The following JAZF1 variants were observed in gnomAD, a reference collection of about 807,000 sequenced individuals.
JAZF1 encodes juxtaposed with another zinc finger protein 1.
In JAZF1, 8 loss-of-function variants were observed where a neutral mutation model predicts 26.4. The ratio of observed to expected loss-of-function variants is 0.30; its 90% CI spans 0.18 to 0.55. The LOEUF (loss-of-function observed/expected upper bound fraction) is 0.55. JAZF1 is among the 20% of genes least tolerant of loss of function. The pLI is 0.94. For missense variants in JAZF1, 199 were observed against 322.0 expected, an observed-to-expected ratio of 0.62 and a Z score of 2.92; for synonymous variants, 126 against 122.3, an observed-to-expected ratio of 1.03 and a Z score of -0.20.
intron 3 of JAZF1, among the ~76,000 whole-genome samples, chr7:27,865,454 T>C (rs1166572082): frequency 6.6e-6 from 1 of 152,158 alleles, no homozygotes; most frequent in African/African-American, 2.4e-5. Context: ...AAAATGTAGT[T>C]CTTACTACTT....
chr7:27,934,972 C>A (rs1391936581), intron 2 of JAZF1, among the ~76,000 whole-genome samples: 1 of 151,984 alleles, frequency 6.6e-6, no homozygotes, highest in Admixed American at 6.5e-5. Flanking sequence ...AACTTGTATC[C>A]AGAATATAAA....
chr7:28,157,332 A>T (rs576453510), intron 1 of JAZF1, among the ~76,000 whole-genome samples: 11 of 152,248 alleles, frequency 7.2e-5, no homozygotes, highest in African/African-American at 2.7e-4. Flanking sequence ...AGAGCCAGAC[A>T]GTGAATATTT....
intron 1 of JAZF1, among the ~76,000 whole-genome samples, chr7:28,005,438 G>T (rs1288034709): frequency 6.6e-6 from 1 of 151,838 alleles, no homozygotes; most frequent in Non-Finnish European, 1.5e-5. Flanking sequence ...AAAGTCACAG[G>T]AGAAAGAGCT....
intron 1 of JAZF1, among the ~76,000 whole-genome samples, chr7:28,002,430 T>C (rs2128368046): frequency 6.6e-6 from 1 of 152,322 alleles, no homozygotes; most frequent in East Asian, 1.9e-4. Flanking sequence ...TTGGCACATT[T>C]GTTGTTGCAT....
intron 1 of JAZF1, among the ~76,000 whole-genome samples, chr7:28,171,590 CAG>C (rs1389582371): frequency 6.6e-6 from 1 of 152,134 alleles, no homozygotes; most frequent in East Asian, 1.9e-4. Context: ...GGCTACAGGA[CAG>C]AGAGGGGAAG....
chr7:28,125,478 G>C (rs989727428), intron 1 of JAZF1, among the ~76,000 whole-genome samples: 1 of 152,204 alleles, frequency 6.6e-6, no homozygotes, highest in Admixed American at 6.5e-5. Flanking sequence ...TGGTTTCCTA[G>C]CAACAGCGGG....
intron 2 of JAZF1, among the ~76,000 whole-genome samples, chr7:27,961,598 T>C (rs73683909): frequency 0.025 from 3,836 of 152,232 alleles, 163 homozygotes; most frequent in African/African-American, 0.088. Context: ...AAAGAAAGCT[T>C]ACTGCAAGAG....
intron 1 of JAZF1, among the ~76,000 whole-genome samples, chr7:28,039,617 C>A (rs1393845750): frequency 1.3e-5 from 2 of 152,046 alleles, no homozygotes; most frequent in Admixed American, 6.6e-5. Flanking sequence ...ATCTTGGGGA[C>A]AAGTAAAGAT....
chr7:28,000,697 C>T (rs977847507), intron 1 of JAZF1, among the ~76,000 whole-genome samples: 1 of 148,942 alleles, frequency 6.7e-6, no homozygotes, highest in Non-Finnish European at 1.5e-5. Flanking sequence ...CAGCTCACTG[C>T]AACCTCTGCC....
At chr7:28,024,563 T>C (rs1447269980) in intron 1 of JAZF1, among the ~76,000 whole-genome samples, 1 of 152,016 alleles carries the variant, frequency 6.6e-6, no homozygotes, top group Non-Finnish European at 1.5e-5. Context: ...AGGAAACAGG[T>C]ATGAGAACAC....
chr7:28,124,503 C>A (rs1372096321), intron 1 of JAZF1, among the ~76,000 whole-genome samples: 2 of 152,202 alleles, frequency 1.3e-5, no homozygotes, highest in Middle Eastern at 3.2e-3. Flanking sequence ...CCAGTGCCGT[C>A]CTTTCATCTT....
chr7:27,990,430 TA>T (rs61518395), intron 2 of JAZF1, among the ~76,000 whole-genome samples: 22,079 of 113,346 alleles, frequency 0.19, 2,106 homozygotes, highest in East Asian at 0.51. Context: ...ACTTAAAGTA[TA>T]AAAAAAAAAA....
intron 3 of JAZF1, among the ~76,000 whole-genome samples, chr7:27,859,801 T>C (rs1331853296): frequency 6.6e-6 from 1 of 152,188 alleles, no homozygotes; most frequent in Non-Finnish European, 1.5e-5. Flanking sequence ...CAAACCACCA[T>C]GGCATGTGTA....
At chr7:27,921,915 T>C (rs760941640) in intron 2 of JAZF1, among the ~76,000 whole-genome samples, 1 of 152,192 alleles carries the variant, frequency 6.6e-6, no homozygotes, top group Non-Finnish European at 1.5e-5. Flanking sequence ...ACCTGGGCTT[T>C]AGAAGCCTAG....
intron 1 of JAZF1, among the ~76,000 whole-genome samples, chr7:28,084,494 T>C (rs1784183960): frequency 6.6e-6 from 1 of 152,138 alleles, no homozygotes; most frequent in African/African-American, 2.4e-5. Flanking sequence ...TCCCTCAAAT[T>C]CCAAGAGAGT....
intron 2 of JAZF1, among the ~76,000 whole-genome samples, chr7:27,924,358 G>A (rs1311517927): frequency 1.3e-5 from 2 of 152,178 alleles, no homozygotes; most frequent in African/African-American, 4.8e-5. Flanking sequence ...TTACAGGCGT[G>A]AGCCAGTGTG....
chr7:27,980,077 A>G (rs1036070299), intron 2 of JAZF1, among the ~76,000 whole-genome samples: 4 of 152,122 alleles, frequency 2.6e-5, no homozygotes, highest in Non-Finnish European at 4.4e-5. Flanking sequence ...CCAATATTAG[A>G]TACTTTTTCA....
At chr7:27,838,590 G>T (rs879356331) in intron 4 of JAZF1, among the ~76,000 whole-genome samples, 14 of 152,178 alleles carry the variant, frequency 9.2e-5, no homozygotes, top group Non-Finnish European at 1.6e-4. Flanking sequence ...CGAGTCCACA[G>T]TACCCAGCTT....
chr7:27,905,398 T>C (rs889558246), intron 2 of JAZF1, among the ~76,000 whole-genome samples: 6 of 151,398 alleles, frequency 4.0e-5, no homozygotes, highest in Admixed American at 2.0e-4. Flanking sequence ...CCAAACCTTG[T>C]AGCTTATTTT....
Sources: gnomAD v4.1 joint callset for allele counts (sites outside exome capture counted in the v4.1 genomes callset) on GRCh38, gnomAD v4.1.1 for gene constraint, MANE v1.5 for transcripts, NCBI Gene and HGNC (gene_info 2026-07-23, HGNC 2026-07-21) for gene names.